DIPK1A: variants seen among roughly 807,000 people sequenced by gnomAD.
DIPK1A encodes divergent protein kinase domain 1A, also known as family with sequence similarity 69 member A.
In DIPK1A, 27 loss-of-function variants were observed where a neutral mutation model predicts 40.8. That is an observed-to-expected ratio of 0.66 (90% CI 0.49 to 0.91). DIPK1A has a LOEUF of 0.91. Ranked by LOEUF, DIPK1A falls within the 40% of genes least tolerant of loss-of-function variation. DIPK1A has a pLI of 0.00. For missense variants in DIPK1A, 412 were observed against 505.7 expected (o/e 0.81, Z 1.78); for synonymous variants, 166 against 171.3 (o/e 0.97, Z 0.24).
chr1:92,857,247 T>A lies in DIPK1A; in HGVS notation c.190-6292A>T, dbSNP rs146093442. On this transcript the variant is annotated intron_variant, in intron 2 of 4. Transcript: ENST00000370310. ...ATACCTGTAATGTTTTACTTCTTTT[T>A]AAAAATGAAGCAAATATGGCAAAAG... 5.4e-3 allele frequency among the ~76,000 whole-genome samples: 816 copies of A among 151,754 alleles called. 5 individuals are homozygous for A. Among genetic ancestry groups the A allele is most frequent in the African/African-American group, 0.018 (749 of 41,394 alleles).
intron 1 of DIPK1A, among the ~76,000 whole-genome samples, chr1:92,881,248 A>T (rs1294344118): frequency 6.6e-6 from 1 of 150,558 alleles, no homozygotes; most frequent in Non-Finnish European, 1.5e-5. Flanking sequence ...TAAACATGTA[A>T]AGCACAAAGT....
chr1:92,960,874 A>G (rs983672383), intron 1 of DIPK1A, among the ~76,000 whole-genome samples: 6 of 152,228 alleles, frequency 3.9e-5, no homozygotes, highest in African/African-American at 1.4e-4. Context: ...ACAAATTGTC[A>G]TAATTTTCTA....
At chr1:92,842,136 G>T, downstream of DIPK1A, 1 of 984,382 alleles carries the variant, frequency 1.0e-6, no homozygotes, top group Non-Finnish European at 1.2e-6. Context: ...CTAAAAATTT[G>T]GCAAGCAACA....
At chr1:92,953,922 AC>A (rs1423658127) in intron 1 of DIPK1A, among the ~76,000 whole-genome samples, 1 of 152,228 alleles carries the variant, frequency 6.6e-6, no homozygotes, top group East Asian at 1.9e-4. Context: ...ATTTAAAAAA[AC>A]AAAAAATGAA....
chr1:92,848,341 T>C (rs555243794), intron 3 of DIPK1A, among the ~76,000 whole-genome samples: 1 of 152,370 alleles, frequency 6.6e-6, no homozygotes, highest in East Asian at 1.9e-4. Flanking sequence ...TGGGCTCCAT[T>C]TGAGCTAGCC....
intron 2 of DIPK1A, among the ~76,000 whole-genome samples, chr1:92,857,799 C>CA (rs1688035504): frequency 6.6e-6 from 1 of 152,100 alleles, no homozygotes; most frequent in African/African-American, 2.4e-5. Context: ...AGGTTAATGG[C>CA]AGAGTTGGAA....
chr1:92,837,271 G>A, downstream of DIPK1A: 1 of 771,946 alleles, frequency 1.3e-6, no homozygotes, highest in Non-Finnish European at 2.4e-6. Context: ...TTTCTGTCCT[G>A]GAATTCAGAG....
intron 1 of DIPK1A, among the ~76,000 whole-genome samples, chr1:92,940,125 G>A (rs970562695): frequency 6.6e-6 from 1 of 152,180 alleles, no homozygotes; most frequent in Non-Finnish European, 1.5e-5. Context: ...TACATGGGGA[G>A]CTAGAAATAG....
At chr1:92,854,386 CCAGT>C (rs1443691201) in intron 2 of DIPK1A, among the ~76,000 whole-genome samples, 1 of 152,158 alleles carries the variant, frequency 6.6e-6, no homozygotes, top group Non-Finnish European at 1.5e-5. Context: ...GGATTCTAGC[CCAGT>C]CAGTTTGGCT....
chr1:92,850,213 T>A (rs1041851096), intron 3 of DIPK1A, among the ~76,000 whole-genome samples: 1 of 152,000 alleles, frequency 6.6e-6, no homozygotes, highest in African/African-American at 2.4e-5. Flanking sequence ...CAAGTGGTCC[T>A]CCCATCTCAG....
chr1:92,908,775 G>A (rs1475155632), intron 1 of DIPK1A, among the ~76,000 whole-genome samples: 5 of 152,164 alleles, frequency 3.3e-5, no homozygotes, highest in Admixed American at 3.3e-4. Flanking sequence ...GAGGTTGGAA[G>A]GGAGAGATCC....
At chr1:92,945,740 A>C (rs1297339039) in intron 1 of DIPK1A, among the ~76,000 whole-genome samples, 3 of 152,154 alleles carry the variant, frequency 2.0e-5, no homozygotes, top group Admixed American at 6.5e-5. Context: ...TCATTATTTG[A>C]ATGGTCCAGA....
chr1:92,856,441 G>A (rs996067888), intron 2 of DIPK1A, among the ~76,000 whole-genome samples: 5 of 151,882 alleles, frequency 3.3e-5, no homozygotes, highest in Admixed American at 1.3e-4. Flanking sequence ...TTTTTGAGAC[G>A]GAGTTTCCTC....
chr1:92,938,820 C>T (rs1651044687), intron 1 of DIPK1A, among the ~76,000 whole-genome samples: 1 of 152,188 alleles, frequency 6.6e-6, no homozygotes, highest in Middle Eastern at 3.2e-3. Flanking sequence ...AGGAGCTTGA[C>T]ACAAGTCAAA....
rs527910244 is a variant in DIPK1A at position 92,877,132 on chromosome 1, A to G, written c.55-702T>C. 2.1e-5 allele frequency: 21 copies of G among 985,394 alleles called. 1 individual carries two copies. The South Asian group carries it at 8.9e-4, about 42-fold the overall frequency. 61.0% of individuals were successfully genotyped at this position (985,394 alleles called of 1,614,324 possible). ...AACTTGCAAAGTGTAAAGCTGCACA[A>G]TAGGATCCTCTTTGCATTGTTTTGT... On this transcript the variant is annotated intron_variant, in intron 1 of 4. Coordinates refer to ENST00000370310, the MANE Select transcript of DIPK1A (RefSeq NM_001006605.5).
chr1:92,946,545 A>G lies in DIPK1A; in HGVS notation c.54+14831T>C, dbSNP rs193237198. The stretch of plus-strand genomic sequence containing the variant: ...GTTAAGCAACAGAATAAGTTAAATT[A>G]AAATTACAACTATCAAACAATGGAG... On this transcript the variant is annotated intron_variant, in intron 1 of 4. Transcript: ENST00000370310. Among the ~76,000 whole-genome samples the G allele has an allele frequency of 9.8e-4, 150 of 152,374 alleles. 1 individual carries two copies. Among genetic ancestry groups the G allele is most frequent in the Non-Finnish European group, 2.2e-4 (15 of 68,030 alleles).
chr1:92,923,436 T>A (rs1328985671), intron 1 of DIPK1A, among the ~76,000 whole-genome samples: 1 of 152,224 alleles, frequency 6.6e-6, no homozygotes, highest in Non-Finnish European at 1.5e-5. Context: ...TCACTCAGCC[T>A]GTTCCTTATA....
chr1:92,926,810 C>G (rs566487835), intron 1 of DIPK1A, among the ~76,000 whole-genome samples: 1 of 152,210 alleles, frequency 6.6e-6, no homozygotes, highest in African/African-American at 2.4e-5. Flanking sequence ...ATTAAATTAT[C>G]TATTCTAACT....
chr1:92,840,796 G>A (rs1295818996), downstream of DIPK1A: 4 of 739,834 alleles, frequency 5.4e-6, no homozygotes, highest in Admixed American at 1.7e-5. Context: ...CTGTGGTGAT[G>A]GAAATGTGTT....
Sources: gnomAD v4.1 joint callset for allele counts (sites outside exome capture counted in the v4.1 genomes callset) on GRCh38, gnomAD v4.1.1 for gene constraint, MANE v1.5 for transcripts, NCBI Gene and HGNC (gene_info 2026-07-23, HGNC 2026-07-21) for gene names.